Variants in CORO2B observed in about 807,000 individuals in gnomAD.
CORO2B encodes the protein coronin-2B.
In CORO2B, 26 loss-of-function variants were observed where a neutral mutation model predicts 58.8. The observed-to-expected ratio is 0.44, with a 90% CI of 0.32 to 0.61. The LOEUF (loss-of-function observed/expected upper bound fraction) is 0.61, where lower values mean the gene tolerates loss of function less well. CORO2B is among the 20% of genes least tolerant of loss of function. The probability of loss-of-function intolerance (pLI) is 0.04; values close to 1 mark genes in which losing one functional copy is unlikely to be tolerated. For missense variants in CORO2B, 460 were observed against 645.1 expected, an observed-to-expected ratio of 0.71 and a Z score of 3.11; for synonymous variants, 242 against 253.8, an observed-to-expected ratio of 0.95 and a Z score of 0.44.
chr15:68,573,981 G>A, the CORO2B span, among the ~76,000 whole-genome samples: 1 of 152,128 alleles, frequency 6.6e-6, no homozygotes, highest in Non-Finnish European at 1.5e-5. Flanking sequence ...GGAGAGAAGG[G>A]CCAGGTTATG....
At chr15:68,543,606 C>A in the CORO2B span, among the ~76,000 whole-genome samples, 1 of 152,152 alleles carries the variant, frequency 6.6e-6, no homozygotes, top group Non-Finnish European at 1.5e-5. Flanking sequence ...GCCAATTTCC[C>A]AGGGGCAGAG....
chr15:68,552,469 C>A, the CORO2B span, among the ~76,000 whole-genome samples: 2 of 8,388 alleles, frequency 2.4e-4, no homozygotes, highest in Admixed American at 1.2e-3. Context: ...TAGGAGGACG[C>A]GGGGGGGTGG....
chr15:68,610,262 T>C (rs1316203231), intron 1 of CORO2B, among the ~76,000 whole-genome samples: 1 of 151,908 alleles, frequency 6.6e-6, no homozygotes, highest in East Asian at 1.9e-4. Context: ...ACGAGACAGG[T>C]TCTCTAGCGC....
the CORO2B span, among the ~76,000 whole-genome samples, chr15:68,553,763 C>T: frequency 1.3e-5 from 2 of 152,158 alleles, no homozygotes; most frequent in East Asian, 3.9e-4. Flanking sequence ...TGCGTTTGTG[C>T]CCCGCACAGT....
chr15:68,599,847 G>A (rs752016954), intron 1 of CORO2B, among the ~76,000 whole-genome samples: 2 of 152,236 alleles, frequency 1.3e-5, no homozygotes, highest in Non-Finnish European at 2.9e-5. Context: ...CGAGGCCTGA[G>A]TGAATTCAGG....
the CORO2B span, among the ~76,000 whole-genome samples, chr15:68,522,772 T>A: frequency 1.3e-5 from 2 of 152,246 alleles, no homozygotes; most frequent in Non-Finnish European, 1.5e-5. Flanking sequence ...TTTATGAGCA[T>A]ATTAATCACA....
chr15:68,701,979 A>T (rs1489268942), intron 3 of CORO2B, among the ~76,000 whole-genome samples: 1 of 151,456 alleles, frequency 6.6e-6, no homozygotes, highest in African/African-American at 2.4e-5. Context: ...ACGGTAGCTC[A>T]CGCCTGTAAT....
chr15:68,631,093 G>A (rs1900814492), intron 1 of CORO2B, among the ~76,000 whole-genome samples: 1 of 152,156 alleles, frequency 6.6e-6, no homozygotes, highest in Admixed American at 6.6e-5. Context: ...GGAATGGCAG[G>A]TACGAGTCCA....
At chr15:68,671,570 G>A (rs932404691) in intron 2 of CORO2B, among the ~76,000 whole-genome samples, 8 of 152,354 alleles carry the variant, frequency 5.3e-5, no homozygotes, top group East Asian at 1.9e-4. Context: ...ATTTGGTTGC[G>A]TTAAAGCTGT....
chr15:68,699,503 CAGGA>C (rs1367665302), intron 3 of CORO2B, among the ~76,000 whole-genome samples: 1 of 151,640 alleles, frequency 6.6e-6, no homozygotes, highest in Non-Finnish European at 1.5e-5. Flanking sequence ...GCTTGGGGCA[CAGGA>C]AGGGAGGGGC....
At chr15:68,715,623 G>A (rs1000521080) in intron 8 of CORO2B, among the ~76,000 whole-genome samples, 7 of 152,212 alleles carry the variant, frequency 4.6e-5, no homozygotes, top group East Asian at 1.9e-4. Flanking sequence ...AAGTGGTCCC[G>A]TAACTAGAGG....
intron 1 of CORO2B, among the ~76,000 whole-genome samples, chr15:68,598,338 C>T (rs1000285283): frequency 2.9e-4 from 44 of 152,272 alleles, no homozygotes; most frequent in African/African-American, 9.6e-4. Flanking sequence ...TGTGTGTGCA[C>T]GTAAGCGTGT....
At chr15:68,628,579 G>C (rs532871762) in intron 1 of CORO2B, among the ~76,000 whole-genome samples, 1 of 152,202 alleles carries the variant, frequency 6.6e-6, no homozygotes, top group Non-Finnish European at 1.5e-5. Flanking sequence ...ATAGCTACAT[G>C]TATTAAGCCC....
At chr15:68,632,146 T>C in intron 1 of CORO2B, 5 of 985,562 alleles carry the variant, frequency 5.1e-6, no homozygotes, top group East Asian at 2.3e-4. Context: ...GTCTCTGGGA[T>C]GGTGATGTGA....
chr15:68,666,372 G>C (rs1368900680), intron 2 of CORO2B, among the ~76,000 whole-genome samples: 1 of 152,180 alleles, frequency 6.6e-6, no homozygotes, highest in African/African-American at 2.4e-5. Context: ...TAGGACATAA[G>C]GTGGGTAGGG....
At chr15:68,665,777 A>G (rs1479560026) in intron 2 of CORO2B, among the ~76,000 whole-genome samples, 1 of 152,160 alleles carries the variant, frequency 6.6e-6, no homozygotes, top group Non-Finnish European at 1.5e-5. Flanking sequence ...CTGTATGTTA[A>G]TATTTTGCCA....
intron 1 of CORO2B, among the ~76,000 whole-genome samples, chr15:68,630,991 G>A (rs1163953503): frequency 6.6e-6 from 1 of 152,154 alleles, no homozygotes; most frequent in South Asian, 2.1e-4. Flanking sequence ...TTCCTCCTAG[G>A]TCTCACTTGC....
At chr15:68,543,538 C>T in the CORO2B span, among the ~76,000 whole-genome samples, 1 of 152,180 alleles carries the variant, frequency 6.6e-6, no homozygotes, top group Non-Finnish European at 1.5e-5. Context: ...CCTCCTTCCT[C>T]CTCCCACCCC....
the CORO2B span, among the ~76,000 whole-genome samples, chr15:68,531,040 T>A: frequency 6.6e-6 from 1 of 152,222 alleles, no homozygotes; most frequent in Admixed American, 6.5e-5. Context: ...TTACAATATA[T>A]ATCTTTAGCT....
Sources: gnomAD v4.1 joint callset for allele counts (sites outside exome capture counted in the v4.1 genomes callset) on GRCh38, gnomAD v4.1.1 for gene constraint, MANE v1.5 for transcripts, NCBI Gene and HGNC (gene_info 2026-07-23, HGNC 2026-07-21) for gene names.